ADAMTSL1: variants seen among roughly 807,000 people sequenced by gnomAD.
ADAMTSL1 encodes the protein ADAMTS-like protein 1.
ADAMTSL1 carries 126 observed loss-of-function variants against 201.8 expected under a neutral mutation model. The ratio of observed to expected loss-of-function variants is 0.62; its 90% CI spans 0.54 to 0.72. ADAMTSL1 has a LOEUF of 0.72. Among genes scored for constraint, ADAMTSL1 ranks in the 30% least tolerant of loss-of-function variants. ADAMTSL1 has a pLI of 0.00. For synonymous variants in ADAMTSL1, 1,121 were observed against 903.4 expected (o/e 1.24, Z -4.32); for missense variants, 2,679 against 2,277.8 (o/e 1.18, Z -3.59).
chr9:18,826,348 G>A lies in ADAMTSL1; in HGVS notation c.3999G>A (p.Leu1333=), dbSNP rs1326348544. ...NKSKLGSPHH[L]HEGSLLLTNV... ...GCAAACTGGGCTCCCCGCACCATCT[G>A]CACGAAGGCTCCTTGCTGCTCACAA... Residue 1333 remains leucine (L), a synonymous_variant, in exon 22 of 29, where the codon CTG becomes CTA. Transcript: ENST00000380548. The A allele has an allele frequency of 1.9e-6, 3 of 1,613,448 alleles. No homozygotes were observed. The Admixed American group carries it at 5.0e-5, about 27-fold the overall frequency.
At chr9:18,794,831 G>A (rs568546469) in intron 19 of ADAMTSL1, among the ~76,000 whole-genome samples, 49 of 152,082 alleles carry the variant, frequency 3.2e-4, no homozygotes, top group South Asian at 1.2e-3. Flanking sequence ...TAGTAGAGAC[G>A]GAGCTTTGCC....
intron 2 of ADAMTSL1, among the ~76,000 whole-genome samples, chr9:18,370,768 C>T (rs1324427189): frequency 6.7e-6 from 1 of 150,368 alleles, no homozygotes; most frequent in African/African-American, 2.5e-5. Flanking sequence ...GAGCCAGGCA[C>T]AACTTTCTAA....
At chr9:18,621,666 A>G (rs1564095313) in intron 4 of ADAMTSL1, among the ~76,000 whole-genome samples, 1 of 152,026 alleles carries the variant, frequency 6.6e-6, no homozygotes, top group Non-Finnish European at 1.5e-5. Context: ...TAGAAAAGGA[A>G]GTATTTTCAT....
intron 2 of ADAMTSL1, among the ~76,000 whole-genome samples, chr9:18,420,288 T>G (rs1403879664): frequency 6.6e-6 from 1 of 152,126 alleles, no homozygotes; most frequent in African/African-American, 2.4e-5. Flanking sequence ...GTTATCCATA[T>G]AGGAGGGGAT....
At chr9:18,800,415 A>G (rs1207136329) in intron 20 of ADAMTSL1, among the ~76,000 whole-genome samples, 1 of 149,028 alleles carries the variant, frequency 6.7e-6, no homozygotes, top group Non-Finnish European at 1.5e-5. Flanking sequence ...GGAAAAATGG[A>G]CAGGTTTGAC....
At chr9:18,844,865 G>A (rs953219114) in intron 23 of ADAMTSL1, among the ~76,000 whole-genome samples, 1 of 152,220 alleles carries the variant, frequency 6.6e-6, no homozygotes, top group Admixed American at 6.5e-5. Flanking sequence ...TAATCTCCTG[G>A]TGTGCCGTTT....
chr9:18,153,520 TA>T (rs1827013902), intron 1 of ADAMTSL1, among the ~76,000 whole-genome samples: 1 of 152,064 alleles, frequency 6.6e-6, no homozygotes, highest in Non-Finnish European at 1.5e-5. Flanking sequence ...GCAGTAGTCC[TA>T]ATCTGTGGAG....
intron 1 of ADAMTSL1, among the ~76,000 whole-genome samples, chr9:18,128,814 C>G (rs1216364816): frequency 6.6e-6 from 1 of 151,986 alleles, no homozygotes; most frequent in Non-Finnish European, 1.5e-5. Context: ...GCTAAAGCAC[C>G]CTTATAAACA....
chr9:18,260,457 G>A (rs1433461775), intron 2 of ADAMTSL1, among the ~76,000 whole-genome samples: 1 of 152,238 alleles, frequency 6.6e-6, no homozygotes, highest in Non-Finnish European at 1.5e-5. Flanking sequence ...GCAGGGAGAA[G>A]GCTCTCTCCA....
chr9:18,015,690 G>C (rs951855975), intron 1 of ADAMTSL1, among the ~76,000 whole-genome samples: 1 of 152,002 alleles, frequency 6.6e-6, no homozygotes, highest in Admixed American at 6.6e-5. Flanking sequence ...GCAGGATATG[G>C]ACTGAGGGCT....
chr9:18,357,081 T>A (rs1019233721), intron 2 of ADAMTSL1, among the ~76,000 whole-genome samples: 11 of 152,166 alleles, frequency 7.2e-5, no homozygotes, highest in Non-Finnish European at 1.5e-4. Context: ...CACACACATA[T>A]CAGCCATACT....
At chr9:17,915,182 C>T (rs1027868110) in intron 1 of ADAMTSL1, among the ~76,000 whole-genome samples, 1 of 152,168 alleles carries the variant, frequency 6.6e-6, no homozygotes, top group Admixed American at 6.5e-5. Flanking sequence ...CTTCCTCCCT[C>T]CTGTCCTTGA....
chr9:18,768,476 T>A (rs2133703403), intron 16 of ADAMTSL1, among the ~76,000 whole-genome samples: 1 of 144,876 alleles, frequency 6.9e-6, no homozygotes, highest in South Asian at 2.3e-4. Flanking sequence ...TTTTTTTTTC[T>A]GTAAAGTGGA....
At chr9:18,135,197 G>A (rs1431191551) in intron 1 of ADAMTSL1, among the ~76,000 whole-genome samples, 1 of 152,106 alleles carries the variant, frequency 6.6e-6, no homozygotes, top group Non-Finnish European at 1.5e-5. Context: ...CTCTAGTTAA[G>A]TAAAAAACAT....
At chr9:18,833,631 C>G (rs1429618691) in intron 23 of ADAMTSL1, among the ~76,000 whole-genome samples, 5 of 152,120 alleles carry the variant, frequency 3.3e-5, no homozygotes, top group Non-Finnish European at 7.4e-5. Flanking sequence ...AAAATTTTCT[C>G]CCATTCTGTA....
At chr9:18,414,826 C>T (rs1818601894) in intron 2 of ADAMTSL1, among the ~76,000 whole-genome samples, 1 of 152,138 alleles carries the variant, frequency 6.6e-6, no homozygotes, top group Admixed American at 6.6e-5. Flanking sequence ...GTTAAAAAAC[C>T]ACACATTATC....
At chr9:18,493,381 T>A (rs1181244868) in intron 1 of ADAMTSL1, among the ~76,000 whole-genome samples, 3 of 152,226 alleles carry the variant, frequency 2.0e-5, no homozygotes, top group Non-Finnish European at 4.4e-5. Flanking sequence ...TAGAGGCCTA[T>A]GCTTTTAATT....
intron 2 of ADAMTSL1, among the ~76,000 whole-genome samples, chr9:18,393,691 T>G (rs1300294411): frequency 6.6e-6 from 1 of 152,168 alleles, no homozygotes; most frequent in Non-Finnish European, 1.5e-5. Context: ...TGGGAGAAGC[T>G]TGCTAGGGAC....
intron 2 of ADAMTSL1, among the ~76,000 whole-genome samples, chr9:18,344,645 G>C (rs1025592285): frequency 6.6e-6 from 1 of 152,112 alleles, no homozygotes; most frequent in Non-Finnish European, 1.5e-5. Context: ...TGAATTGGCG[G>C]TTGTTGAATC....
Sources: gnomAD v4.1 joint callset for allele counts (sites outside exome capture counted in the v4.1 genomes callset) on GRCh38, gnomAD v4.1.1 for gene constraint, MANE v1.5 for transcripts, NCBI Gene and HGNC (gene_info 2026-07-23, HGNC 2026-07-21) for gene names.